The following STAU2 variants were observed in gnomAD, a reference collection of about 807,000 sequenced individuals.
The protein encoded by STAU2 is double-stranded RNA-binding protein Staufen homolog 2.
In STAU2, 20 loss-of-function variants were observed where a neutral mutation model predicts 65.9. That is an observed-to-expected ratio of 0.30 (90% CI 0.21 to 0.44). The LOEUF (loss-of-function observed/expected upper bound fraction) is 0.44. Ranked by LOEUF, STAU2 falls within the 20% of genes least tolerant of loss-of-function variation. STAU2 has a pLI of 1.00. For synonymous variants in STAU2, 232 were observed against 233.9 expected (o/e 0.99, Z 0.07); for missense variants, 558 against 683.9 (o/e 0.82, Z 2.05).
intron 13 of STAU2, chr8:73,438,809 T>C: frequency 2.6e-6 from 1 of 390,108 alleles, no homozygotes; most frequent in Non-Finnish European, 5.1e-6. Context: ...CAAGGCCACA[T>C]AGGTAAACAG....
intron 13 of STAU2, among the ~76,000 whole-genome samples, chr8:73,428,366 C>A (rs983813217): frequency 2.5e-5 from 3 of 120,888 alleles, no homozygotes; most frequent in African/African-American, 1.4e-4. Flanking sequence ...TCCATTCATC[C>A]ATTAATGGAC....
intron 12 of STAU2, among the ~76,000 whole-genome samples, chr8:73,571,815 C>A (rs1809114530): frequency 6.6e-6 from 1 of 152,060 alleles, no homozygotes; most frequent in Admixed American, 6.6e-5. Context: ...AAAATTGACA[C>A]CCTAACATCA....
intron 12 of STAU2, among the ~76,000 whole-genome samples, chr8:73,574,943 G>T (rs1309424406): frequency 6.6e-6 from 1 of 151,042 alleles, no homozygotes; most frequent in Non-Finnish European, 1.5e-5. Context: ...TAAAAATAAA[G>T]AAATGTTTTT....
At chr8:73,651,322 TG>T in intron 6 of STAU2, 1 of 678,844 alleles carries the variant, frequency 1.5e-6, no homozygotes, top group Non-Finnish European at 2.7e-6. Flanking sequence ...AGCAGGTCCG[TG>T]GCTTGGAGGG....
chr8:73,735,988 T>C (rs1001930354), intron 3 of STAU2, among the ~76,000 whole-genome samples: 3 of 152,142 alleles, frequency 2.0e-5, no homozygotes, highest in Non-Finnish European at 2.9e-5. Flanking sequence ...GCTATAACAG[T>C]TTGCAAATAA....
At position 73,677,819 on chromosome 8, in the gene STAU2, T is replaced by C. The variant is rs184026964; in HGVS notation, c.275-4577A>G. Among the ~76,000 whole-genome samples, 228 of 152,264 alleles carry C rather than the reference T, an allele frequency of 1.5e-3. 2 individuals carry two copies. The highest frequency in any genetic ancestry group is 0.012 in the Admixed American group (188 of 15,296). On this transcript the variant is annotated intron_variant, in intron 5 of 14. Coordinates refer to ENST00000524300, the MANE Select transcript of STAU2 (RefSeq NM_001164380.2). ...TAAAAGTTTACACCAAATAATCGAT[T>C]CATTCTCTCAGCTTACTATAACACT...
chr8:73,695,695 G>C (rs1197953328), intron 4 of STAU2, among the ~76,000 whole-genome samples: 1 of 152,090 alleles, frequency 6.6e-6, no homozygotes, highest in Non-Finnish European at 1.5e-5. Context: ...CAGCATTTCC[G>C]GATCTACTTC....
chr8:73,606,686 T>C (rs1386018715), intron 9 of STAU2, among the ~76,000 whole-genome samples: 2 of 152,242 alleles, frequency 1.3e-5, no homozygotes, highest in Non-Finnish European at 2.9e-5. Flanking sequence ...TAAAGTTGAC[T>C]ATATACCTAC....
intron 9 of STAU2, among the ~76,000 whole-genome samples, chr8:73,605,884 C>CACACACAT (rs1811995529): frequency 2.7e-5 from 3 of 112,626 alleles, no homozygotes; most frequent in South Asian, 2.6e-4. Context: ...CACATACACA[C>CACACACAT]ACACACACAC....
intron 13 of STAU2, among the ~76,000 whole-genome samples, chr8:73,475,296 C>A (rs75737739): frequency 1.3e-5 from 2 of 152,222 alleles, no homozygotes; most frequent in African/African-American, 2.4e-5. Flanking sequence ...AATGGAGCAG[C>A]CTTCTAAGTT....
intron 13 of STAU2, among the ~76,000 whole-genome samples, chr8:73,476,592 C>G (rs1416190424): frequency 6.6e-6 from 1 of 152,134 alleles, no homozygotes; most frequent in Non-Finnish European, 1.5e-5. Context: ...TGGTCTGATT[C>G]AGTACACTTC....
intron 11 of STAU2, among the ~76,000 whole-genome samples, chr8:73,586,192 A>C (rs1439518669): frequency 6.6e-6 from 1 of 152,184 alleles, no homozygotes; most frequent in African/African-American, 2.4e-5. Flanking sequence ...TGAGTAACTG[A>C]AACCTAACCT....
chr8:73,503,390 T>A (rs1160806875), intron 13 of STAU2, among the ~76,000 whole-genome samples: 1 of 152,122 alleles, frequency 6.6e-6, no homozygotes, highest in Non-Finnish European at 1.5e-5. Flanking sequence ...TGATTCTCTG[T>A]TGGGAGTTCT....
rs549129817 is a variant in STAU2 at position 73,481,519 on chromosome 8, A to AAC, written c.1531-58818_1531-58817insGT. On this transcript the variant is annotated intron_variant, in intron 13 of 14. Coordinates refer to ENST00000524300, the MANE Select transcript of STAU2 (RefSeq NM_001164380.2). Reference sequence around the variant, plus strand: ...ATAAGCCAAAAAAACAAAAAAACAAAAAAAAAAAACACTTTTTTTGAGTGA... The same window carrying AAC: ...ATAAGCCAAAAAAACAAAAAAACAAAACAAAAAAAAACACTTTTTTTGAGTGA... 2.0e-3 allele frequency among the ~76,000 whole-genome samples: 268 copies of AAC among 131,480 alleles called. 1 individual carries two copies. The highest frequency in any genetic ancestry group is 3.3e-3 in the Admixed American group (45 of 13,638). 86.3% of individuals were successfully genotyped at this position (131,480 alleles called of 152,430 possible).
At chr8:73,432,263 C>T (rs1229988141) in intron 13 of STAU2, among the ~76,000 whole-genome samples, 2 of 152,184 alleles carry the variant, frequency 1.3e-5, no homozygotes, top group East Asian at 3.9e-4. Flanking sequence ...AAAATGAACA[C>T]AGTAGTCATA....
At chr8:73,434,658 T>C (rs1188555427) in intron 13 of STAU2, among the ~76,000 whole-genome samples, 1 of 151,886 alleles carries the variant, frequency 6.6e-6, no homozygotes, top group Admixed American at 6.5e-5. Flanking sequence ...GCCTTGACCA[T>C]AGTGGTGTTT....
chr8:73,733,860 C>A (rs1049486681), intron 3 of STAU2, among the ~76,000 whole-genome samples: 11 of 152,220 alleles, frequency 7.2e-5, no homozygotes, highest in African/African-American at 2.2e-4. Flanking sequence ...GAGCTATACA[C>A]CAAATATCTT....
At chr8:73,591,329 G>T (rs1006654336) in intron 11 of STAU2, among the ~76,000 whole-genome samples, 2 of 150,050 alleles carry the variant, frequency 1.3e-5, no homozygotes, top group African/African-American at 4.9e-5. Flanking sequence ...TAAGTGCGGG[G>T]AAAAAAAAAG....
intron 13 of STAU2, among the ~76,000 whole-genome samples, chr8:73,463,923 T>TG (rs1206611588): frequency 6.6e-6 from 1 of 152,144 alleles, no homozygotes; most frequent in Non-Finnish European, 1.5e-5. Context: ...GAGAAGGAAG[T>TG]GGGGTTGGTG....
Sources: gnomAD v4.1 joint callset for allele counts (sites outside exome capture counted in the v4.1 genomes callset) on GRCh38, gnomAD v4.1.1 for gene constraint, MANE v1.5 for transcripts, NCBI Gene and HGNC (gene_info 2026-07-23, HGNC 2026-07-21) for gene names.